ADGRE1: variants seen among roughly 807,000 people sequenced by gnomAD.
The protein encoded by ADGRE1 is adhesion G protein-coupled receptor E1, also known as EGF-like module receptor 1.
Under a neutral mutation model 102.7 loss-of-function variants are expected in ADGRE1, and 82 were observed. The ratio of observed to expected loss-of-function variants is 0.80; its 90% CI spans 0.67 to 0.96. The LOEUF (loss-of-function observed/expected upper bound fraction) is 0.96, where lower values mean the gene tolerates loss of function less well. Ranked by LOEUF, ADGRE1 falls within the 40% of genes least tolerant of loss-of-function variation. The probability of loss-of-function intolerance (pLI) is 0.00; values close to 1 mark genes in which losing one functional copy is unlikely to be tolerated. For missense variants in ADGRE1, 1,032 were observed against 1,085.3 expected, an observed-to-expected ratio of 0.95 and a Z score of 0.69; for synonymous variants, 398 against 399.6, an observed-to-expected ratio of 1.00 and a Z score of 0.05.
At position 6,916,380 on chromosome 19, in the gene ADGRE1, C is replaced by T; in HGVS notation, c.1420+12C>T. On this transcript the variant is annotated intron_variant, in intron 12 of 20. Coordinates refer to ENST00000312053, the MANE Select transcript of ADGRE1 (RefSeq NM_001974.5). ...ATCTGAATCCACAGGTACAGGTCCT[C>T]TCCTGAGAATGCAGGTTATGGTGTA... The T allele has an allele frequency of 1.9e-6, 3 of 1,609,396 alleles. No individual in the cohort carries two copies. Among genetic ancestry groups the T allele is most frequent in the Non-Finnish European group, 2.5e-6 (3 of 1,177,724 alleles).
intron 12 of ADGRE1, among the ~76,000 whole-genome samples, chr19:6,918,447 A>T (rs1278979928): frequency 5.9e-5 from 9 of 152,082 alleles, no homozygotes; most frequent in Admixed American, 5.2e-4. Flanking sequence ...TCTCAAAAAA[A>T]AAAGAAGATG....
At chr19:6,924,331 T>G (rs2144992402) in intron 14 of ADGRE1, among the ~76,000 whole-genome samples, 1 of 152,256 alleles carries the variant, frequency 6.6e-6, no homozygotes, top group Middle Eastern at 3.4e-3. Context: ...AAAGCTGATA[T>G]TTGCCTCCCT....
intron 10 of ADGRE1, among the ~76,000 whole-genome samples, chr19:6,912,491 C>T (rs1391734600): frequency 6.6e-6 from 1 of 152,086 alleles, no homozygotes; most frequent in Non-Finnish European, 1.5e-5. Context: ...ATACCTGGCT[C>T]GTAATAAGTG....
intron 6 of ADGRE1, among the ~76,000 whole-genome samples, chr19:6,903,391 A>G (rs1039703547): frequency 5.3e-5 from 8 of 152,172 alleles, no homozygotes; most frequent in Admixed American, 3.3e-4. Context: ...CCTCATTACT[A>G]GCTTAGCATA....
intron 9 of ADGRE1, 129 bp downstream of exon 9, chr19:6,906,650 C>G (rs1973968271): frequency 1.4e-6 from 1 of 710,578 alleles, no homozygotes. Context: ...TTATTTTTCT[C>G]CTCTGTAACC....
chr19:6,930,590 CA>C (rs1033741465), intron 17 of ADGRE1, among the ~76,000 whole-genome samples: 13 of 152,150 alleles, frequency 8.5e-5, no homozygotes, highest in African/African-American at 3.1e-4. Flanking sequence ...GTGTTACACA[CA>C]ATCCAATTAT....
chr19:6,919,444 GT>G, intron 12 of ADGRE1, 103 bp from the exon 13 acceptor site: 4 of 189,246 alleles, frequency 2.1e-5, no homozygotes, highest in African/African-American at 6.5e-5. Flanking sequence ...CCCTCCCTCT[GT>G]GTGTGTGTGT....
chr19:6,909,718 G>T (rs867986019), intron 10 of ADGRE1, among the ~76,000 whole-genome samples: 12 of 151,788 alleles, frequency 7.9e-5, no homozygotes, highest in Non-Finnish European at 1.0e-4. Flanking sequence ...GGTTTTTTTT[G>T]TTTGTTTGTT....
At chr19:6,921,963 G>A (rs1330415384) in intron 14 of ADGRE1, 80 bp downstream of exon 14, 3 of 1,493,518 alleles carry the variant, frequency 2.0e-6, no homozygotes, top group Admixed American at 1.9e-5. Flanking sequence ...AACATCTGTT[G>A]TGTGTCTCCC....
At chr19:6,933,772 T>C (rs1398950143) in intron 17 of ADGRE1, among the ~76,000 whole-genome samples, 1 of 152,170 alleles carries the variant, frequency 6.6e-6, no homozygotes, top group Non-Finnish European at 1.5e-5. Context: ...GTTAACATCC[T>C]ACCGTGCACA....
chr19:6,888,294 G>A (rs545652600), intron 1 of ADGRE1, among the ~76,000 whole-genome samples: 4 of 152,278 alleles, frequency 2.6e-5, no homozygotes, highest in East Asian at 1.9e-4. Flanking sequence ...GAATGTGGTC[G>A]GGAGTTATGT....
intron 17 of ADGRE1, among the ~76,000 whole-genome samples, chr19:6,931,805 A>G (rs202156289): frequency 5.4e-4 from 74 of 137,112 alleles, no homozygotes; most frequent in Middle Eastern, 3.8e-3. Context: ...CAAAAAAAAG[A>G]AAAAAAAAAA....
At chr19:6,899,188 G>A (rs1249439185) in intron 5 of ADGRE1, among the ~76,000 whole-genome samples, 9 of 152,158 alleles carry the variant, frequency 5.9e-5, no homozygotes, top group Admixed American at 3.9e-4. Context: ...TCTCCAGACC[G>A]ATATTTTCCC....
rs749693934 is a variant in ADGRE1, at chr19:6,887,638, G to T, written c.30G>T (p.Trp10Cys). The change falls in exon 1 of 21, where the codon TGG becomes TGT. Residue 10 changes from tryptophan to cysteine, a missense_variant and splice_region_variant. Coordinates refer to ENST00000312053, the MANE Select transcript of ADGRE1 (RefSeq NM_001974.5). ...GTGGCTTCAACCTGCTCCTCTTCTG[G>T]GGTGAGTGTGAGGCTGAATGGGGGG... MRGFNLLLF[W>C]GCCVMHSWEG... 7 of 1,611,366 alleles carry T rather than the reference G, an allele frequency of 4.3e-6. No homozygotes were observed. Among genetic ancestry groups the T allele is most frequent in the Non-Finnish European group, 5.1e-6 (6 of 1,179,060 alleles).
chr19:6,887,785 C>A (rs1487053801), intron 1 of ADGRE1, 146 bp downstream of exon 1: 10 of 851,160 alleles, frequency 1.2e-5, no homozygotes, highest in Non-Finnish European at 1.8e-5. Context: ...GAACCTTTGA[C>A]AAAATTCCAT....
chr19:6,903,820 A>C lies in ADGRE1; in HGVS notation c.672A>C (p.Glu224Asp), dbSNP rs763202231. 16 of 1,614,092 alleles carry C rather than the reference A, an allele frequency of 9.9e-6. No homozygotes were observed. Among genetic ancestry groups the C allele is most frequent in the Non-Finnish European group, 1.4e-5 (16 of 1,179,978 alleles). The change falls in exon 7 of 21, where the codon GAA becomes GAC. Residue 224 changes from glutamate to aspartate, a missense_variant. Physicochemically the swap from Glu to Asp is conservative, Grantham distance 45. Transcript: ENST00000312053. ...GLKASCEDID[E>D]CTEMCPINST... ...TTCTGTACCCCACAGATATTGATGAATGCACTGAAATGTGCCCCATCAATT... is the reference window on the plus strand; with the variant it reads ...TTCTGTACCCCACAGATATTGATGACTGCACTGAAATGTGCCCCATCAATT...
At chr19:6,938,617 A>C (rs1975536496) in intron 20 of ADGRE1, among the ~76,000 whole-genome samples, 1 of 151,672 alleles carries the variant, frequency 6.6e-6, no homozygotes, top group Non-Finnish European at 1.5e-5. Context: ...TCACTGATAA[A>C]ATGGGGATAA....
intron 9 of ADGRE1, among the ~76,000 whole-genome samples, chr19:6,907,375 G>A (rs1390933480): frequency 6.9e-6 from 1 of 145,772 alleles, no homozygotes; most frequent in Admixed American, 6.9e-5. Flanking sequence ...GTCTTGCTCT[G>A]TTGCCCAGGC....
In ADGRE1 at chr19:6,935,639, T is replaced by C. The variant is rs1343246350; in HGVS notation, c.2381+561T>C. 2.0e-5 allele frequency among the ~76,000 whole-genome samples: 3 copies of C among 152,340 alleles called. No homozygotes were observed. The East Asian group carries it at 5.8e-4, about 29-fold the overall frequency. ...TCTATGTGTTTTTGGTTTTGGTTTGTTCTCTGTATAAACAATACTGCCTTG... is the reference window on the plus strand; with the variant it reads ...TCTATGTGTTTTTGGTTTTGGTTTGCTCTCTGTATAAACAATACTGCCTTG... On this transcript the variant is annotated intron_variant, in intron 18 of 20. Coordinates refer to ENST00000312053, the MANE Select transcript of ADGRE1 (RefSeq NM_001974.5).
Sources: gnomAD v4.1 joint callset for allele counts (sites outside exome capture counted in the v4.1 genomes callset) on GRCh38, gnomAD v4.1.1 for gene constraint, MANE v1.5 for transcripts, NCBI Gene and HGNC (gene_info 2026-07-23, HGNC 2026-07-21) for gene names.